PRPSAP2: variants seen among roughly 807,000 people sequenced by gnomAD.
PRPSAP2 encodes the protein phosphoribosyl pyrophosphate synthetase associated protein 2, also known as phosphoribosyl pyrophosphate synthase-associated protein 2.
PRPSAP2 carries 24 observed loss-of-function variants against 40.6 expected under a neutral mutation model. The ratio of observed to expected loss-of-function variants is 0.59; its 90% CI spans 0.43 to 0.83. The LOEUF is 0.83. Ranked by LOEUF, PRPSAP2 falls within the 40% of genes least tolerant of loss-of-function variation. The pLI is 0.00. For synonymous variants in PRPSAP2, 149 were observed against 164.7 expected, an observed-to-expected ratio of 0.90 and a Z score of 0.73; for missense variants, 292 against 465.6, an observed-to-expected ratio of 0.63 and a Z score of 3.43.
chr17:18,868,437 T>C (rs745988887), intron 4 of PRPSAP2, among the ~76,000 whole-genome samples: 6 of 150,942 alleles, frequency 4.0e-5, no homozygotes, highest in Admixed American at 1.3e-4. Flanking sequence ...ATTGTGCCAT[T>C]GCACTCCAGC....
rs1260445598 is a variant in PRPSAP2 at position 18,877,718 on chromosome 17, T to C, written c.260T>C (p.Met87Thr). ...TVSKDVNTTI[M>T]ELLIMVYACK... Reference sequence around the variant, plus strand: ...TACAGGGACGTGAACACCACCATCATGGAGCTCCTGATCATGGTGTATGCA... The same window carrying C: ...TACAGGGACGTGAACACCACCATCACGGAGCTCCTGATCATGGTGTATGCA... The change falls in exon 6 of 12, where the codon ATG becomes ACG. Residue 87 changes from methionine to threonine, a missense_variant. Met to Thr is a moderately conservative substitution (Grantham distance 81). This residue lies in a region of PRPSAP2 where 241 missense variants were observed against 425.7 expected (regional missense o/e 0.57). Transcript: ENST00000268835. 6.2e-7 allele frequency: 1 copy of C among 1,609,738 alleles called. No individual in the cohort carries two copies. Among genetic ancestry groups the C allele is most frequent in the Non-Finnish European group, 8.5e-7 (1 of 1,178,822 alleles).
At chr17:18,863,061 C>A (rs184630174) in intron 1 of PRPSAP2, among the ~76,000 whole-genome samples, 1 of 152,184 alleles carries the variant, frequency 6.6e-6, no homozygotes, top group Admixed American at 6.5e-5. Flanking sequence ...ACCTCGTGAT[C>A]CACCTGCCTC....
intron 7 of PRPSAP2, among the ~76,000 whole-genome samples, chr17:18,885,590 T>C (rs2039080824): frequency 6.6e-6 from 1 of 151,592 alleles, no homozygotes; most frequent in Non-Finnish European, 1.5e-5. Flanking sequence ...TAATTTTTGT[T>C]TTTTGTTTTT....
At chr17:18,907,316 T>TC (rs2040656688) in intron 8 of PRPSAP2, among the ~76,000 whole-genome samples, 1 of 152,176 alleles carries the variant, frequency 6.6e-6, no homozygotes, top group Non-Finnish European at 1.5e-5. Flanking sequence ...GAAGGTCTTT[T>TC]CCTAATGATA....
At chr17:18,917,575 ATTATTATTATTTTTTTTTTT>A (rs1252772724) in intron 9 of PRPSAP2, 50 of 33,056 alleles carry the variant, frequency 1.5e-3, no homozygotes, top group African/African-American at 4.6e-3. Context: ...TATTATTATT[ATTATTATTATTTTTTTTTTT>A]TTTTTTTTTT....
chr17:18,875,990 G>A (rs1035959139), intron 5 of PRPSAP2, among the ~76,000 whole-genome samples: 7 of 152,174 alleles, frequency 4.6e-5, no homozygotes, highest in African/African-American at 2.4e-5. Context: ...AAAATTAGCC[G>A]GGCATGGTGG....
intron 8 of PRPSAP2, among the ~76,000 whole-genome samples, chr17:18,894,479 C>CTTTGTTTTTTTT (rs2039786341): frequency 8.3e-6 from 1 of 120,580 alleles, no homozygotes; most frequent in African/African-American, 3.3e-5. Flanking sequence ...TTTCAATAGT[C>CTTTGTTTTTTTT]TTTTTTTTTT....
chr17:18,930,392 A>G, intron 11 of PRPSAP2, 148 bp from the exon 12 acceptor site: 1 of 680,410 alleles, frequency 1.5e-6, no homozygotes, highest in East Asian at 2.8e-5. Context: ...TAAATAAATA[A>G]ATAATTGAAA....
chr17:18,909,454 C>T (rs959232599), intron 8 of PRPSAP2, among the ~76,000 whole-genome samples: 6 of 151,850 alleles, frequency 4.0e-5, no homozygotes, highest in Non-Finnish European at 4.4e-5. Flanking sequence ...CCGTGTTAGC[C>T]AGGATGGTCT....
chr17:18,871,013 A>C (rs1230876625), intron 4 of PRPSAP2, among the ~76,000 whole-genome samples: 1 of 151,722 alleles, frequency 6.6e-6, no homozygotes, highest in African/African-American at 2.4e-5. Context: ...ATTGTCCTAA[A>C]GGGTCTTTTA....
chr17:18,928,156 G>A (rs2042065558), intron 10 of PRPSAP2: 2 of 154,908 alleles, frequency 1.3e-5, no homozygotes, highest in Non-Finnish European at 2.9e-5. Flanking sequence ...GTAAAATAAA[G>A]ACACGAATAT....
At chr17:18,913,477 C>T (rs536715874) in intron 9 of PRPSAP2, among the ~76,000 whole-genome samples, 2 of 150,132 alleles carry the variant, frequency 1.3e-5, no homozygotes, top group Admixed American at 6.6e-5. Flanking sequence ...GATGGGCAGT[C>T]ACAAAGATCT....
chr17:18,871,978 T>TA (rs2037917356), intron 4 of PRPSAP2, among the ~76,000 whole-genome samples: 1 of 152,080 alleles, frequency 6.6e-6, no homozygotes, highest in Non-Finnish European at 1.5e-5. Flanking sequence ...TCTATAAAGA[T>TA]ACTGTGCTCA....
intron 9 of PRPSAP2, among the ~76,000 whole-genome samples, chr17:18,916,171 A>G (rs2041297605): frequency 6.6e-6 from 1 of 151,912 alleles, no homozygotes; most frequent in Admixed American, 6.6e-5. Flanking sequence ...ACCAAAGCAG[A>G]ACTCTCACCA....
At chr17:18,887,580 T>G (rs1011833751) in intron 7 of PRPSAP2, among the ~76,000 whole-genome samples, 4 of 152,202 alleles carry the variant, frequency 2.6e-5, no homozygotes, top group Non-Finnish European at 5.9e-5. Context: ...TTCTATTTCT[T>G]TTATTATTTT....
chr17:18,880,873 G>A (rs1017072374), intron 6 of PRPSAP2, among the ~76,000 whole-genome samples: 31 of 151,444 alleles, frequency 2.0e-4, no homozygotes, highest in African/African-American at 7.0e-4. Context: ...TCGCTCTGTC[G>A]CCCAGGCTGG....
intron 8 of PRPSAP2, among the ~76,000 whole-genome samples, chr17:18,896,360 T>G (rs2039903297): frequency 6.6e-6 from 1 of 152,064 alleles, no homozygotes; most frequent in African/African-American, 2.4e-5. Context: ...AATCTCCCAC[T>G]CTCTTCAAGG....
In PRPSAP2 at chr17:18,923,995, C is replaced by G. The variant is rs201437852; in HGVS notation, c.804+11C>G. ...ATTGCCATCATCGTGGTATGTAGAC[C>G]TCTTTTATTATTAATTCTAGTATTT... On this transcript the variant is annotated intron_variant, in intron 10 of 11. Transcript: ENST00000268835. The G allele has an allele frequency of 6.3e-7, 1 of 1,598,190 alleles. No individual in the cohort carries two copies. The highest frequency in any genetic ancestry group is 8.6e-7 in the Non-Finnish European group (1 of 1,167,238).
At chr17:18,895,260 A>T (rs4322727) in intron 8 of PRPSAP2, among the ~76,000 whole-genome samples, 82,116 of 151,186 alleles carry the variant, frequency 0.54, 22,448 homozygotes, top group South Asian at 0.72. Context: ...TAATTAAAAA[A>T]ATATATATAT....
Sources: gnomAD v4.1 joint callset for allele counts (sites outside exome capture counted in the v4.1 genomes callset) on GRCh38, gnomAD v4.1.1 for gene constraint, gnomAD v4.1.1 regional missense constraint, MANE v1.5 for transcripts, NCBI Gene and HGNC (gene_info 2026-07-23, HGNC 2026-07-21) for gene names.